ALPK2: variants seen among roughly 807,000 people sequenced by gnomAD.
ALPK2 encodes alpha kinase 2, also known as alpha-protein kinase 2.
A neutral mutation model predicts 163.1 loss-of-function variants in ALPK2; 127 were observed. That is an observed-to-expected ratio of 0.78 (90% CI 0.67 to 0.90). The LOEUF is 0.90. ALPK2 is among the 40% of genes least tolerant of loss of function. The pLI is 0.00. For missense variants in ALPK2, 2,360 were observed against 2,589.6 expected (o/e 0.91, Z 1.92); for synonymous variants, 953 against 959.1 (o/e 0.99, Z 0.12).
chr18:58,484,197 G>A (rs2051326934), intron 12 of ALPK2, among the ~76,000 whole-genome samples: 1 of 152,126 alleles, frequency 6.6e-6, no homozygotes, highest in Non-Finnish European at 1.5e-5. Context: ...GTCTATTTTT[G>A]TGTTGACCTG....
At chr18:58,502,955 G>A (rs2051440063) in intron 11 of ALPK2, among the ~76,000 whole-genome samples, 1 of 152,162 alleles carries the variant, frequency 6.6e-6, no homozygotes, top group South Asian at 2.1e-4. Context: ...CCCTGCAGAT[G>A]TCAGCTCCAG....
rs10689097 is a variant in ALPK2 at position 58,564,123 on chromosome 18, C to CTTTTTTTTTTTTTTTTT, written c.1962+14690_1962+14691insAAAAAAAAAAAAAAAAA. ...GAATTGCGTATTTGATGTCTTTGTTCTTTTTTTTTTTTTTTTGAGATGGAG... is the reference window on the plus strand; with the variant it reads ...GAATTGCGTATTTGATGTCTTTGTTCTTTTTTTTTTTTTTTTTTTTTTTTTTTTTTTTTGAGATGGAG... On this transcript the variant is annotated intron_variant, in intron 4 of 12. Coordinates refer to ENST00000361673, the MANE Select transcript of ALPK2 (RefSeq NM_052947.4). 2.4e-3 allele frequency among the ~76,000 whole-genome samples: 242 copies of CTTTTTTTTTTTTTTTTT among 102,408 alleles called. 26 individuals carry two copies. The highest frequency in any genetic ancestry group is 5.0e-3 in the East Asian group (17 of 3,406). The allele number at this position is 102,408 out of a possible 152,430, so 67.2% of individuals were successfully genotyped here.
At chr18:58,601,351 C>T (rs1427086185) in intron 3 of ALPK2, among the ~76,000 whole-genome samples, 1 of 152,098 alleles carries the variant, frequency 6.6e-6, no homozygotes, top group Non-Finnish European at 1.5e-5. Context: ...TTTAAAAGAT[C>T]AATTAAATTT....
chr18:58,495,627 C>A (rs1307806298), intron 12 of ALPK2, among the ~76,000 whole-genome samples: 1 of 152,194 alleles, frequency 6.6e-6, no homozygotes, highest in Non-Finnish European at 1.5e-5. Flanking sequence ...ATAATCATGA[C>A]CATCTTCATT....
At chr18:58,526,389 C>CG (rs2051585213) in intron 6 of ALPK2, among the ~76,000 whole-genome samples, 1 of 152,176 alleles carries the variant, frequency 6.6e-6, no homozygotes, top group African/African-American at 2.4e-5. Context: ...GAGAAGTCCT[C>CG]GGGTTGTTTC....
intron 1 of ALPK2, among the ~76,000 whole-genome samples, chr18:58,612,063 C>A (rs1299169301): frequency 6.6e-6 from 1 of 152,170 alleles, no homozygotes. Context: ...CCTCTACCCA[C>A]CAGATGCCAA....
chr18:58,624,559 A>G (rs571230385), intron 1 of ALPK2, among the ~76,000 whole-genome samples: 1 of 151,288 alleles, frequency 6.6e-6, no homozygotes, highest in South Asian at 2.1e-4. Flanking sequence ...GGTTCAAGCG[A>G]TTCTCCTGCC....
intron 1 of ALPK2, among the ~76,000 whole-genome samples, chr18:58,613,713 AT>A (rs1568101778): frequency 0.1 from 6,768 of 67,008 alleles, 353 homozygotes; most frequent in African/African-American, 0.22. Flanking sequence ...AAAAAAAATA[AT>A]AATAATAATA....
At chr18:58,571,975 CAAAAAAAAAAAA>C (rs35927788) in intron 4 of ALPK2, among the ~76,000 whole-genome samples, 3 of 66,616 alleles carry the variant, frequency 4.5e-5, no homozygotes, top group Non-Finnish European at 2.6e-5. Context: ...GACTCCATCT[CAAAAAAAAAAAA>C]AAAAAAAAAA....
At position 58,534,904 on chromosome 18, in the gene ALPK2, G is replaced by A. The variant is rs754981644; in HGVS notation, c.5283C>T (p.Leu1761=). 2.2e-5 allele frequency: 36 copies of A among 1,613,888 alleles called. No individual in the cohort carries two copies. The highest frequency in any genetic ancestry group is 6.6e-5 in the South Asian group (6 of 91,070). ...CTTCTGTGTGTGATAATGATGTTTC[G>A]AGTTTGGGCATCTTTTTAAGAAAGG... ...NSAFLKKMPK[L]ETSLSHTEEK... The change falls in exon 5 of 13, where the codon CTC becomes CTT. Residue 1761 remains leucine, a synonymous_variant. Coordinates refer to ENST00000361673, the MANE Select transcript of ALPK2 (RefSeq NM_052947.4).
In ALPK2 at chr18:58,528,651, T is replaced by C. The variant is rs547134764; in HGVS notation, c.5501+440A>G. 468 of 137,456 alleles carry C rather than the reference T, an allele frequency of 3.4e-3. 1 individual carries two copies. Among genetic ancestry groups the C allele is most frequent in the African/African-American group, 6.2e-3 (229 of 36,814 alleles). The allele number at this position is 137,456 out of a possible 1,614,324, so 8.5% of individuals were successfully genotyped here. A position where few individuals can be genotyped will look rare whatever the true frequency, so the allele number is the denominator to read the frequency against. ...TTTTCTGTAACCTCATAGATTGCTG[T>C]TGTTGTTGTTTTTATTCATCTCCTT... is the stretch of plus-strand genomic sequence containing the variant. On this transcript the variant is annotated intron_variant, in intron 6 of 12. Transcript: ENST00000361673.
At chr18:58,589,226 G>T (rs11662383) in intron 3 of ALPK2, among the ~76,000 whole-genome samples, 47,000 of 151,982 alleles carry the variant, frequency 0.31, 8,091 homozygotes, top group East Asian at 0.59. Context: ...AATTTCTGTG[G>T]TTTTTCTTAT....
At chr18:58,512,911 GTATGTGTGA>G (rs377590578) in intron 10 of ALPK2, among the ~76,000 whole-genome samples, 17,691 of 135,054 alleles carry the variant, frequency 0.13, 1,447 homozygotes, top group Non-Finnish European at 0.19. Flanking sequence ...TGTGTGTGGT[GTATGTGTGA>G]TGTGTGGGGT....
At chr18:58,624,478 G>C (rs930229061) in intron 1 of ALPK2, among the ~76,000 whole-genome samples, 2 of 149,060 alleles carry the variant, frequency 1.3e-5, no homozygotes, top group Non-Finnish European at 3.0e-5. Context: ...TTTTGAGACA[G>C]AGTTTCACTC....
intron 8 of ALPK2, among the ~76,000 whole-genome samples, chr18:58,518,801 C>G (rs2051535190): frequency 6.6e-6 from 1 of 152,202 alleles, no homozygotes; most frequent in Non-Finnish European, 1.5e-5. Flanking sequence ...ACTGCCCTTA[C>G]CTACTCAAAG....
chr18:58,615,898 ATTTG>A (rs1173755106), intron 1 of ALPK2, among the ~76,000 whole-genome samples: 119 of 152,334 alleles, frequency 7.8e-4, no homozygotes, highest in African/African-American at 2.8e-3. Context: ...AACACACACT[ATTTG>A]ACTCACATAG....
chr18:58,559,048 A>G (rs1457261276), intron 4 of ALPK2, among the ~76,000 whole-genome samples: 2 of 152,266 alleles, frequency 1.3e-5, no homozygotes, highest in African/African-American at 4.8e-5. Context: ...AAAAAATTAC[A>G]TACTTGGCTT....
At chr18:58,482,882 T>G (rs4940716) in intron 12 of ALPK2, among the ~76,000 whole-genome samples, 1 of 152,038 alleles carries the variant, frequency 6.6e-6, no homozygotes, top group Non-Finnish European at 1.5e-5. Context: ...CATCAAAAAA[T>G]TGGTTGAAGG....
chr18:58,503,025 G>A (rs996336364), intron 11 of ALPK2, among the ~76,000 whole-genome samples: 6 of 152,190 alleles, frequency 3.9e-5, no homozygotes, highest in African/African-American at 1.4e-4. Context: ...TTCCCCAGTT[G>A]CACTTCCCTA....
Sources: allele counts gnomAD v4.1 joint callset (sites outside exome capture counted in the v4.1 genomes callset), GRCh38; gene constraint gnomAD v4.1.1; transcripts MANE v1.5; gene names NCBI Gene and HGNC (gene_info 2026-07-23, HGNC 2026-07-21).